Variants in CEP350 observed in about 807,000 individuals in gnomAD.
CEP350 encodes the protein centrosomal protein 350.
A neutral mutation model predicts 331.8 loss-of-function variants in CEP350; 126 were observed. That is an observed-to-expected ratio of 0.38 (90% confidence interval 0.33 to 0.44). The LOEUF is 0.44. CEP350 is among the 20% of genes least tolerant of loss of function. The probability of loss-of-function intolerance (pLI) is 1.00; values close to 1 mark genes in which losing one functional copy is unlikely to be tolerated. For synonymous variants in CEP350, 1,200 were observed against 1,259.5 expected (o/e 0.95, Z 1.00); for missense variants, 3,406 against 3,634.6 (o/e 0.94, Z 1.62).
rs1157600231 is a variant in CEP350, at chr1:180,095,543, C to T, written c.8532C>T (p.Ala2844=). 6.2e-7 allele frequency: 1 copy of T among 1,613,614 alleles called. No homozygotes were observed. Among genetic ancestry groups the T allele is most frequent in the Non-Finnish European group, 8.5e-7 (1 of 1,179,740 alleles). The change falls in exon 35 of 38, where the codon GCC becomes GCT. Residue 2844 remains alanine (A), a synonymous_variant. Transcript: ENST00000367607. ...TATAGGAGAGCCCAGTATTTGGTGC[C>T]AGTGGGCAGGAAGAACTTGCTAAGA... The part of the protein sequence containing the change: ...CPRPESPVFG[A]SGQEELAKRL...
Position 180,012,013 on chromosome 1 carries a change from A to C in CEP350, c.1331A>C (p.Glu444Ala). 1 of 1,584,544 alleles carries C rather than the reference A, an allele frequency of 6.3e-7. No homozygotes were observed. Among genetic ancestry groups the C allele is most frequent in the Non-Finnish European group, 8.6e-7 (1 of 1,164,124 alleles). ...KKILGPAPRM[E>A]PKEQRTASSD... The stretch of plus-strand genomic sequence containing the variant: ...ATTCTGGGACCTGCTCCCAGAATGG[A>C]GCCAAAAGAGCAAAGAACAGCATCA... The change falls in exon 9 of 38, where the codon GAG becomes GCG. Residue 444 changes from glutamate (E) to alanine (A), a missense_variant. Transcript: ENST00000367607.
chr1:180,111,071 A>G lies in CEP350; in HGVS notation c.9264A>G (p.Leu3088=). 6.2e-7 allele frequency: 1 copy of G among 1,614,014 alleles called. No individual in the cohort carries two copies. Among genetic ancestry groups the G allele is most frequent in the Non-Finnish European group, 8.5e-7 (1 of 1,179,888 alleles). The change falls in exon 38 of 38, where the codon CTA becomes CTG. Residue 3088 remains leucine (L), a synonymous_variant. Transcript: ENST00000367607. ...DEDELCVKMQ[L]ADGIFETLIK... is the part of the protein sequence containing the mutation. ...ATGAGTTGTGTGTGAAAATGCAGCT[A>G]GCCGACGGGATCTTTGAGACCCTGA...
intron 21 of CEP350, among the ~76,000 whole-genome samples, chr1:180,046,537 AACATTC>A (rs2148940165): frequency 6.6e-6 from 1 of 152,352 alleles, no homozygotes; most frequent in East Asian, 1.9e-4. Context: ...TAATGCTGTG[AACATTC>A]ACATATAACC....
At position 180,037,019 on chromosome 1, in the gene CEP350, C is replaced by G; in HGVS notation, c.4040C>G (p.Ser1347Ter). The G allele has an allele frequency of 6.2e-7, 1 of 1,604,416 alleles. No homozygotes were observed. Among genetic ancestry groups the G allele is most frequent in the Non-Finnish European group, 8.5e-7 (1 of 1,175,216 alleles). The part of the protein sequence containing the change: ...NAIEESVRQL[S>*]DVERVRGISL... ...ATTGAGGAGTCGGTGCGCCAACTGT[C>G]AGATGTAGAAAGAGTTAGAGGCATT... The change falls in exon 17 of 38, where the codon TCA (serine) becomes TGA (stop). Residue 1347 changes from serine to a stop codon, truncating the protein, a stop_gained. Transcript: ENST00000367607. LOFTEE classifies it high-confidence loss of function.
At chr1:179,986,389 T>A (rs941866668) in intron 2 of CEP350, 135 bp downstream of exon 2, 3 of 568,348 alleles carry the variant, frequency 5.3e-6, no homozygotes, top group Non-Finnish European at 9.2e-6. Flanking sequence ...AATTCTCTTA[T>A]ATTTTAAATA....
intron 32 of CEP350, among the ~76,000 whole-genome samples, chr1:180,088,748 G>A (rs1291927020): frequency 6.6e-6 from 1 of 151,990 alleles, no homozygotes; most frequent in African/African-American, 2.4e-5. Flanking sequence ...TTTTTAATAG[G>A]GATTTATAAA....
chr1:180,045,820 T>G (rs1657081660), intron 21 of CEP350, among the ~76,000 whole-genome samples: 1 of 152,208 alleles, frequency 6.6e-6, no homozygotes, highest in Non-Finnish European at 1.5e-5. Context: ...AAGGTCTAAA[T>G]TATTTAGCCT....
chr1:179,996,827 G>A lies in CEP350; in HGVS notation c.670G>A (p.Glu224Lys), dbSNP rs150477463. 208 of 1,613,702 alleles carry A rather than the reference G, an allele frequency of 1.3e-4. No homozygotes were observed. The African/African-American group carries it at 2.5e-3, about 20-fold the overall frequency. ...RMGASMRTEE[E>K]MPNRTKGSEN... ...GGGAGCTTCTATGAGAACTGAGGAA[G>A]AAATGCCTAACAGAACAAAAGGAAG... Residue 224 changes from glutamate (E) to lysine (K), a missense_variant, in exon 6 of 38, where the codon GAA becomes AAA. Coordinates refer to ENST00000367607, the MANE Select transcript of CEP350 (RefSeq NM_014810.5).
intron 32 of CEP350, 85 bp downstream of exon 32, chr1:180,087,802 G>A (rs1659951056): frequency 7.9e-7 from 1 of 1,266,438 alleles, no homozygotes; most frequent in Non-Finnish European, 1.0e-6. Context: ...TACCCTTTAA[G>A]TAACTGAAAT....
At chr1:180,049,657 C>T (rs2148953679) in intron 22 of CEP350, among the ~76,000 whole-genome samples, 1 of 151,916 alleles carries the variant, frequency 6.6e-6, no homozygotes, top group South Asian at 2.1e-4. Context: ...GATTCTCCTG[C>T]CTCAGCCTCC....
intron 3 of CEP350, among the ~76,000 whole-genome samples, chr1:179,988,591 A>T (rs71630248): frequency 6.6e-6 from 1 of 151,742 alleles, no homozygotes; most frequent in Non-Finnish European, 1.5e-5. Context: ...ACCTGTTCCC[A>T]TTTGTGTTCT....
chr1:180,107,256 A>G (rs1397245134), intron 37 of CEP350, among the ~76,000 whole-genome samples: 3 of 152,244 alleles, frequency 2.0e-5, no homozygotes, highest in Admixed American at 6.5e-5. Flanking sequence ...TACACAGTAT[A>G]TAATTTAGCA....
intron 28 of CEP350, among the ~76,000 whole-genome samples, chr1:180,077,961 C>T (rs1659336043): frequency 6.6e-6 from 1 of 151,994 alleles, no homozygotes; most frequent in African/African-American, 2.4e-5. Context: ...GGTGAAACCC[C>T]ATCTCTACTA....
At chr1:180,040,999 TA>T in intron 17 of CEP350, 138 bp from the exon 18 acceptor site, 1 of 622,770 alleles carries the variant, frequency 1.6e-6, no homozygotes, top group Admixed American at 3.4e-5. Context: ...TGTTGACTAT[TA>T]TTTTTACTAT....
chr1:180,076,364 A>G (rs757452734), intron 28 of CEP350, among the ~76,000 whole-genome samples: 1 of 152,262 alleles, frequency 6.6e-6, no homozygotes, highest in African/African-American at 2.4e-5. Flanking sequence ...GTTCAACTAT[A>G]TATGCAAATC....
chr1:179,957,844 C>CT (rs1381064993), intron 1 of CEP350, among the ~76,000 whole-genome samples: 1 of 152,134 alleles, frequency 6.6e-6, no homozygotes, highest in Admixed American at 6.5e-5. Flanking sequence ...AAAATATAAA[C>CT]TTTAAGACCC....
At chr1:180,105,515 T>C (rs1425630064) in intron 37 of CEP350, among the ~76,000 whole-genome samples, 3 of 152,212 alleles carry the variant, frequency 2.0e-5, no homozygotes, top group Non-Finnish European at 4.4e-5. Context: ...CTGAGAATTA[T>C]GTTAGCTCTG....
intron 7 of CEP350, among the ~76,000 whole-genome samples, chr1:180,005,866 G>T (rs937855549): frequency 2.6e-5 from 4 of 152,096 alleles, no homozygotes; most frequent in African/African-American, 9.7e-5. Flanking sequence ...CCAGAATGCA[G>T]AACTCTACAC....
chr1:180,103,493 T>G (rs1660948476), intron 37 of CEP350, among the ~76,000 whole-genome samples: 1 of 152,224 alleles, frequency 6.6e-6, no homozygotes, highest in Admixed American at 6.5e-5. Flanking sequence ...TTTTATATCA[T>G]TCTGACCTCT....
Sources: allele counts gnomAD v4.1 joint callset (sites outside exome capture counted in the v4.1 genomes callset), GRCh38; gene constraint gnomAD v4.1.1; transcripts MANE v1.5; gene names NCBI Gene and HGNC (gene_info 2026-07-23, HGNC 2026-07-21).